Variants in COL4A5 observed in about 807,000 individuals in gnomAD.
The protein encoded by COL4A5 is collagen type IV alpha 5 chain.
COL4A5 carries 26 observed loss-of-function variants against 130.2 expected under a neutral mutation model. The observed-to-expected ratio is 0.20, with a 90% CI of 0.15 to 0.28. COL4A5 has a LOEUF of 0.28. Among genes scored for constraint, COL4A5 ranks in the 10% least tolerant of loss-of-function variants. The pLI, the probability that COL4A5 is intolerant of heterozygous loss-of-function variation, is 1.00. For synonymous variants in COL4A5, 496 were observed against 439.6 expected, an observed-to-expected ratio of 1.13 and a Z score of -1.60; for missense variants, 1,131 against 1,344.3, an observed-to-expected ratio of 0.84 and a Z score of 2.48.
At chrX:108,482,634 C>T (rs1317924131) in intron 1 of COL4A5, among the ~76,000 whole-genome samples, 1 of 111,817 alleles carries the variant, frequency 8.9e-6, no homozygotes, top group African/African-American at 3.2e-5. Flanking sequence ...CTCACTTTAA[C>T]AGTAGCCACC....
At chrX:108,636,939 CTTTTT>C (rs59497827) in intron 36 of COL4A5, among the ~76,000 whole-genome samples, 5,479 of 76,268 alleles carry the variant, frequency 0.072, 510 homozygotes, top group African/African-American at 0.25. Flanking sequence ...AATGTAATGT[CTTTTT>C]TTTTTTTTTT....
intron 36 of COL4A5, among the ~76,000 whole-genome samples, chrX:108,644,246 A>G (rs1384697423): frequency 1.8e-5 from 2 of 112,031 alleles, no homozygotes; most frequent in African/African-American, 6.5e-5. Context: ...AACAATTACT[A>G]ATAGACCTAA....
intron 4 of COL4A5, among the ~76,000 whole-genome samples, chrX:108,566,580 G>C (rs929694238): frequency 1.9e-5 from 2 of 107,921 alleles, no homozygotes; most frequent in South Asian, 8.3e-4. Context: ...ACGGAGTCTC[G>C]CTCTGTCGCC....
chrX:108,672,538 A>C (rs746712207), intron 42 of COL4A5, among the ~76,000 whole-genome samples: 1 of 112,146 alleles, frequency 8.9e-6, no homozygotes, highest in South Asian at 3.7e-4. Flanking sequence ...TACCTTTAGT[A>C]ATTACTACTT....
intron 26 of COL4A5, 77 bp downstream of exon 26, chrX:108,601,562 T>C: frequency 1.4e-6 from 1 of 704,991 alleles, no homozygotes; most frequent in East Asian, 3.5e-5. Flanking sequence ...AGTTTCGCTC[T>C]GTCACCCATG....
At chrX:108,454,233 T>TTTTTC (rs1489532948) in intron 1 of COL4A5, among the ~76,000 whole-genome samples, 1 of 111,738 alleles carries the variant, frequency 8.9e-6, no homozygotes, top group Non-Finnish European at 1.9e-5. Flanking sequence ...ATAATTTTCT[T>TTTTTC]TTTTCTTTTC....
At chrX:108,655,925 C>T (rs2067832151) in intron 37 of COL4A5, among the ~76,000 whole-genome samples, 1 of 112,223 alleles carries the variant, frequency 8.9e-6, no homozygotes, top group South Asian at 3.7e-4. Context: ...ATTATGTAGC[C>T]TGAACTAGAT....
intron 1 of COL4A5, among the ~76,000 whole-genome samples, chrX:108,456,453 A>G (rs1012781718): frequency 4.5e-5 from 5 of 112,004 alleles, no homozygotes; most frequent in African/African-American, 1.6e-4. Context: ...CATTAGTTCT[A>G]GTAGTCGTGT....
At position 108,535,907 on chromosome X, in the gene COL4A5, A is replaced by G. The variant is rs549327208; in HGVS notation, c.82-3839A>G. Among the ~76,000 whole-genome samples the G allele has an allele frequency of 2.1e-4, 23 of 109,961 alleles. No individual in the cohort carries two copies. In the South Asian group the frequency reaches 8.4e-3, roughly 40 times the overall value. The stretch of plus-strand genomic sequence containing the variant: ...GATACCTAACTGGCCACATTATTGG[A>G]ATATTTCTTATTTCTCTCTGCCATT... On this transcript the variant is annotated intron_variant, in intron 1 of 52. Transcript: ENST00000328300.
chrX:108,692,728 T>A lies in COL4A5; in HGVS notation c.4529-20T>A. 1 of 1,208,123 alleles carries A rather than the reference T, an allele frequency of 8.3e-7. No individual in the cohort carries two copies. The highest frequency in any genetic ancestry group is 1.1e-6 in the Non-Finnish European group (1 of 892,111). ...CATTATCACGCAGTCCTTTACTGTT[T>A]TCTCTCCAAATCTTTCTAGGGACGG... is the stretch of plus-strand genomic sequence containing the variant. On this transcript the variant is annotated intron_variant, in intron 49 of 52. Coordinates refer to ENST00000328300, the MANE Select transcript of COL4A5 (RefSeq NM_033380.3).
At chrX:108,482,241 T>G (rs1376903014) in intron 1 of COL4A5, among the ~76,000 whole-genome samples, 1 of 111,489 alleles carries the variant, frequency 9.0e-6, no homozygotes, top group African/African-American at 3.3e-5. Context: ...TCTTTTCTAG[T>G]GTAGTGCACC....
At chrX:108,497,740 G>C (rs892395448) in intron 1 of COL4A5, among the ~76,000 whole-genome samples, 6 of 111,652 alleles carry the variant, frequency 5.4e-5, no homozygotes, top group African/African-American at 1.9e-4. Context: ...ATTCTTTGCT[G>C]TGATCTCTAT....
chrX:108,677,367 G>C (rs990570354), intron 43 of COL4A5, 133 bp from the exon 44 acceptor site: 13 of 577,273 alleles, frequency 2.3e-5, no homozygotes, highest in Admixed American at 3.3e-5. Context: ...ATCAGCATAG[G>C]TCTAGATATT....
intron 6 of COL4A5, chrX:108,569,053 C>A (rs900232890): frequency 2.9e-6 from 1 of 348,971 alleles, no homozygotes; most frequent in African/African-American, 2.6e-5. Context: ...TTACCAAACC[C>A]TTTTTTGACT....
intron 2 of COL4A5, among the ~76,000 whole-genome samples, chrX:108,555,341 A>C (rs1308078836): frequency 8.9e-6 from 1 of 111,992 alleles, no homozygotes; most frequent in Non-Finnish European, 1.9e-5. Context: ...CCAAAGGTCT[A>C]TTTTCTTGTT....
At chrX:108,568,891 A>G in intron 6 of COL4A5, 70 bp downstream of exon 6, 1 of 931,834 alleles carries the variant, frequency 1.1e-6, no homozygotes, top group Non-Finnish European at 1.6e-6. Context: ...AAAGAAATCA[A>G]TATGAAGAAT....
chrX:108,613,587 C>A (rs187091607), intron 29 of COL4A5, among the ~76,000 whole-genome samples: 6 of 111,686 alleles, frequency 5.4e-5, no homozygotes, highest in African/African-American at 1.3e-4. Context: ...AAACAAACAA[C>A]CAACTTTTAA....
At chrX:108,482,943 C>A (rs73524429) in intron 1 of COL4A5, among the ~76,000 whole-genome samples, 8,215 of 111,314 alleles carry the variant, frequency 0.074, 766 homozygotes, top group African/African-American at 0.25. Flanking sequence ...AATTCTTTGC[C>A]ACTCATGAGT....
intron 1 of COL4A5, among the ~76,000 whole-genome samples, chrX:108,463,639 A>G (rs1027917849): frequency 2.7e-5 from 3 of 111,943 alleles, no homozygotes; most frequent in Non-Finnish European, 3.8e-5. Context: ...ATCCCCTTTT[A>G]GGATTCTGCA....
Sources: gnomAD v4.1 joint callset for allele counts (sites outside exome capture counted in the v4.1 genomes callset) on GRCh38, gnomAD v4.1.1 for gene constraint, MANE v1.5 for transcripts, NCBI Gene and HGNC (gene_info 2026-07-23, HGNC 2026-07-21) for gene names.